MAD1L1: variants seen among roughly 807,000 people sequenced by gnomAD.
The protein encoded by MAD1L1 is mitotic arrest deficient 1 like 1, also known as mitotic spindle assembly checkpoint protein MAD1.
A neutral mutation model predicts 96.9 loss-of-function variants in MAD1L1; 95 were observed. The ratio of observed to expected loss-of-function variants is 0.98; its 90% confidence interval spans 0.83 to 1.16. The LOEUF (loss-of-function observed/expected upper bound fraction) is 1.16. Among genes scored for constraint, MAD1L1 ranks in the 50% most tolerant of loss-of-function variants. The pLI is 0.00. For missense variants in MAD1L1, 1,007 were observed against 954.4 expected (o/e 1.06, Z -0.73); for synonymous variants, 473 against 396.6 (o/e 1.19, Z -2.29).
At chr7:2,060,042 C>A (rs902336041) in intron 12 of MAD1L1, among the ~76,000 whole-genome samples, 1 of 152,082 alleles carries the variant, frequency 6.6e-6, no homozygotes, top group African/African-American at 2.4e-5. Context: ...TACGCCGATG[C>A]CGAGATACAC....
Position 2,142,879 on chromosome 7 carries a change from C to A in MAD1L1, c.1073+6273G>T, listed in dbSNP as rs1188721569. 6.6e-6 allele frequency among the ~76,000 whole-genome samples: 1 copy of A among 152,174 alleles called. No individual in the cohort carries two copies. The highest frequency in any genetic ancestry group is 1.9e-4 in the East Asian group (1 of 5,188). On this transcript the variant is annotated intron_variant, in intron 11 of 18. Coordinates refer to ENST00000265854, the MANE Select transcript of MAD1L1 (RefSeq NM_001013836.2). This position sits in a 1 kb window ranked among gnomAD's most constrained non-coding sequence, Gnocchi z 4.7. ...TGGCCATCCCGATGTGCTCTCTCAC[C>A]CACACTGATCCACGGCAAATTCCGT...
chr7:1,936,006 C>T (rs1778575709), intron 17 of MAD1L1, among the ~76,000 whole-genome samples: 1 of 152,232 alleles, frequency 6.6e-6, no homozygotes, highest in African/African-American at 2.4e-5. Flanking sequence ...GAGAGCAACA[C>T]AGGGGGCAGG....
chr7:2,140,745 A>T (rs1788988758), intron 11 of MAD1L1, among the ~76,000 whole-genome samples: 1 of 152,240 alleles, frequency 6.6e-6, no homozygotes, highest in African/African-American at 2.4e-5. Flanking sequence ...GCATGCCAGA[A>T]AGGGCGGCTC....
intron 15 of MAD1L1, among the ~76,000 whole-genome samples, chr7:1,975,955 T>C (rs1303249825): frequency 6.6e-6 from 1 of 152,214 alleles, no homozygotes; most frequent in African/African-American, 2.4e-5. Flanking sequence ...TAGGATTTGC[T>C]AGAGCTGCTA....
intron 17 of MAD1L1, among the ~76,000 whole-genome samples, chr7:1,909,420 G>A (rs1787872248): frequency 6.6e-6 from 1 of 152,200 alleles, no homozygotes; most frequent in South Asian, 2.1e-4. Flanking sequence ...TTAATAATTA[G>A]GCATCAAATA....
rs941481856 is a variant in MAD1L1 at position 2,232,885 on chromosome 7, A to C, written c.-203T>G. 1 of 152,292 alleles carries C rather than the reference A, an allele frequency of 6.6e-6. No homozygotes were observed. The highest frequency in any genetic ancestry group is 2.1e-4 in the South Asian group (1 of 4,842). The allele number at this position is 152,292 out of a possible 1,614,324, so 9.4% of individuals were successfully genotyped here. A position where few individuals can be genotyped will look rare whatever the true frequency, so the allele number is the denominator to read the frequency against. On this transcript the variant is annotated 5_prime_UTR_variant, in exon 1 of 19. Transcript: ENST00000265854. ...CGGGCCGCTTACCTCAGCCGCTCGC[A>C]GCCAGCTTGCCGCCGCCGCTCGGAT...
chr7:2,171,922 AG>A (rs1444582949), intron 10 of MAD1L1, among the ~76,000 whole-genome samples: 2 of 152,156 alleles, frequency 1.3e-5, no homozygotes, highest in Non-Finnish European at 2.9e-5. Context: ...CCACATCTGG[AG>A]GGTCCCTGGG....
At chr7:1,966,156 G>T (rs986137756) in intron 15 of MAD1L1, among the ~76,000 whole-genome samples, 4 of 152,266 alleles carry the variant, frequency 2.6e-5, no homozygotes, top group Admixed American at 1.3e-4. Flanking sequence ...TTCACAACCT[G>T]AACTGGGATG....
At chr7:1,900,364 G>A (rs1265582673) in intron 17 of MAD1L1, among the ~76,000 whole-genome samples, 2 of 152,208 alleles carry the variant, frequency 1.3e-5, no homozygotes, top group Non-Finnish European at 2.9e-5. Context: ...TCAGCAGAGG[G>A]GCCCTGGCGC....
At chr7:1,888,587 T>C (rs1156276645) in intron 18 of MAD1L1, among the ~76,000 whole-genome samples, 1 of 151,930 alleles carries the variant, frequency 6.6e-6, no homozygotes, top group East Asian at 1.9e-4. Flanking sequence ...TGAGCATGCA[T>C]GCGTGCATGT....
intron 10 of MAD1L1, among the ~76,000 whole-genome samples, chr7:2,205,977 C>T (rs1792577312): frequency 6.6e-6 from 1 of 151,966 alleles, no homozygotes; most frequent in South Asian, 2.1e-4. Flanking sequence ...TATTAAAATA[C>T]AAAAATTAGC....
At chr7:1,941,812 G>A (rs1259463618) in intron 16 of MAD1L1, among the ~76,000 whole-genome samples, 1 of 152,238 alleles carries the variant, frequency 6.6e-6, no homozygotes. Flanking sequence ...ACAAGCCTGG[G>A]CTCCATAACT....
At chr7:2,106,389 G>A (rs183389481) in intron 11 of MAD1L1, among the ~76,000 whole-genome samples, 367 of 150,400 alleles carry the variant, frequency 2.4e-3, no homozygotes, top group Non-Finnish European at 3.4e-3. Context: ...CCCATCCCTG[G>A]AGACGGCCAT....
rs190607981 is a variant in MAD1L1, at chr7:1,977,642, A to T, written c.1505+2811T>A. Among the ~76,000 whole-genome samples the T allele has an allele frequency of 2.0e-5, 3 of 152,386 alleles. No individual in the cohort carries two copies. In the East Asian group the frequency reaches 5.8e-4, roughly 29 times the overall value. On this transcript the variant is annotated intron_variant, in intron 15 of 18. Coordinates refer to ENST00000265854, the MANE Select transcript of MAD1L1 (RefSeq NM_001013836.2). The stretch of plus-strand genomic sequence containing the variant: ...CTTTGACCTTGATGTAAAAGATATC[A>T]ATGATAAAGGCCTTTTCTTAAATTG...
chr7:1,935,227 A>G (rs766815298), intron 17 of MAD1L1, among the ~76,000 whole-genome samples: 1 of 152,248 alleles, frequency 6.6e-6, no homozygotes, highest in Non-Finnish European at 1.5e-5. Context: ...ACACCTGCAG[A>G]ATGCAGGGCG....
At chr7:1,893,957 C>T (rs1397468233) in intron 18 of MAD1L1, among the ~76,000 whole-genome samples, 7 of 152,224 alleles carry the variant, frequency 4.6e-5, no homozygotes, top group Admixed American at 4.6e-4. Context: ...TGGCTGTTGT[C>T]TGTTCACTGT....
At chr7:2,095,749 A>AG (rs1438401759) in intron 11 of MAD1L1, among the ~76,000 whole-genome samples, 1 of 152,208 alleles carries the variant, frequency 6.6e-6, no homozygotes, top group Non-Finnish European at 1.5e-5. Flanking sequence ...GGGCCAACGC[A>AG]GGGAAGCCGT....
At chr7:1,977,846 C>T (rs535910926) in intron 15 of MAD1L1, among the ~76,000 whole-genome samples, 7 of 152,364 alleles carry the variant, frequency 4.6e-5, no homozygotes, top group South Asian at 4.1e-4. Context: ...TGGGCAGCCA[C>T]GGGCCGGGAC....
intron 5 of MAD1L1, among the ~76,000 whole-genome samples, chr7:2,219,843 G>C (rs1322335404): frequency 6.6e-6 from 1 of 152,156 alleles, no homozygotes; most frequent in Non-Finnish European, 1.5e-5. Context: ...GGAGCTGACA[G>C]AGGAGACCGG....
Sources: allele counts gnomAD v4.1 joint callset (sites outside exome capture counted in the v4.1 genomes callset), GRCh38; gene constraint gnomAD v4.1.1; non-coding constraint Gnocchi (gnomAD v3.1); transcripts MANE v1.5; gene names NCBI Gene and HGNC (gene_info 2026-07-23, HGNC 2026-07-21).